Variants in CBFA2T2 observed in about 807,000 individuals in gnomAD.
CBFA2T2 encodes protein CBFA2T2.
A neutral mutation model predicts 62.2 loss-of-function variants in CBFA2T2; 11 were observed. The observed-to-expected ratio is 0.18, with a 90% CI of 0.11 to 0.29. The LOEUF is 0.29. CBFA2T2 is among the 10% of genes least tolerant of loss of function. The pLI is 1.00. For synonymous variants in CBFA2T2, 295 were observed against 287.5 expected, an observed-to-expected ratio of 1.03 and a Z score of -0.27; for missense variants, 592 against 774.1, an observed-to-expected ratio of 0.76 and a Z score of 2.79.
At chr20:33,625,538 A>C (rs1412418100) in intron 6 of CBFA2T2, among the ~76,000 whole-genome samples, 2 of 152,260 alleles carry the variant, frequency 1.3e-5, no homozygotes, top group Non-Finnish European at 1.5e-5. Context: ...GAAGAGAATG[A>C]AAAAGCAAAG....
At chr20:33,505,908 T>TG (rs963858038) in intron 1 of CBFA2T2, among the ~76,000 whole-genome samples, 79 of 151,852 alleles carry the variant, frequency 5.2e-4, no homozygotes, top group African/African-American at 1.8e-3. Flanking sequence ...CTGGCCAGCA[T>TG]GGGGAAACCC....
intron 1 of CBFA2T2, among the ~76,000 whole-genome samples, chr20:33,559,172 CTTT>C (rs376048540): frequency 3.4e-4 from 30 of 87,624 alleles, no homozygotes; most frequent in African/African-American, 6.8e-4. Context: ...TTTTTCCTTT[CTTT>C]TTTTTTTTTT....
intron 1 of CBFA2T2, among the ~76,000 whole-genome samples, chr20:33,598,672 TTAAAG>T (rs760094430): frequency 6.6e-6 from 1 of 152,104 alleles, no homozygotes; most frequent in Non-Finnish European, 1.5e-5. Context: ...GATTAAGAGA[TTAAAG>T]TAAAGACAGG....
At chr20:33,543,328 G>A (rs932773077) in intron 1 of CBFA2T2, among the ~76,000 whole-genome samples, 7 of 152,134 alleles carry the variant, frequency 4.6e-5, no homozygotes, top group African/African-American at 1.7e-4. Context: ...TTATTTTATA[G>A]TGATACACTT....
chr20:33,644,706 A>T lies in CBFA2T2; in HGVS notation c.*60A>T. 1 of 1,516,328 alleles carries T rather than the reference A, an allele frequency of 6.6e-7. No individual in the cohort carries two copies. The highest frequency in any genetic ancestry group is 8.9e-7 in the Non-Finnish European group (1 of 1,124,258). 93.9% of individuals were successfully genotyped at this position (1,516,328 alleles called of 1,614,324 possible). On this transcript the variant is annotated 3_prime_UTR_variant, in exon 11 of 11. Coordinates refer to ENST00000342704, the MANE Select transcript of CBFA2T2 (RefSeq NM_001032999.3). ...CACCACAGAGTGCTTGGGCTGAGGG[A>T]CTGACTGTTGGAACCCGTGCATGTA...
chr20:33,504,385 T>A (rs1422221787), intron 1 of CBFA2T2, among the ~76,000 whole-genome samples: 2 of 151,588 alleles, frequency 1.3e-5, no homozygotes, highest in African/African-American at 4.8e-5. Context: ...CTGGGTTCTA[T>A]GATAATTTCA....
intron 1 of CBFA2T2, among the ~76,000 whole-genome samples, chr20:33,492,295 G>T (rs1004318831): frequency 6.6e-6 from 1 of 151,610 alleles, no homozygotes; most frequent in Non-Finnish European, 1.5e-5. Flanking sequence ...CTGGGATTAC[G>T]AGCGTGAGTC....
intron 1 of CBFA2T2, among the ~76,000 whole-genome samples, chr20:33,588,237 G>C (rs925010274): frequency 6.6e-6 from 1 of 151,938 alleles, no homozygotes; most frequent in African/African-American, 2.4e-5. Context: ...CTATTTTAAA[G>C]TATTGTTAGT....
At chr20:33,584,278 T>C (rs1019434509) in intron 1 of CBFA2T2, among the ~76,000 whole-genome samples, 1 of 150,766 alleles carries the variant, frequency 6.6e-6, no homozygotes, top group African/African-American at 2.4e-5. Context: ...TTCTTTTTTT[T>C]TTTTTGAGAC....
intron 1 of CBFA2T2, among the ~76,000 whole-genome samples, chr20:33,503,574 A>C (rs759811293): frequency 2.0e-5 from 3 of 152,104 alleles, no homozygotes; most frequent in Non-Finnish European, 4.4e-5. Flanking sequence ...ATTTTTAGGA[A>C]AAAAATTATT....
At chr20:33,566,349 TA>T (rs2013309861) in intron 1 of CBFA2T2, among the ~76,000 whole-genome samples, 1 of 152,202 alleles carries the variant, frequency 6.6e-6, no homozygotes, top group Non-Finnish European at 1.5e-5. Context: ...CTCACACCTG[TA>T]ATCCCAGCAC....
intron 8 of CBFA2T2, among the ~76,000 whole-genome samples, chr20:33,636,397 ATCACT>A (rs2016633034): frequency 6.6e-6 from 1 of 152,172 alleles, no homozygotes; most frequent in African/African-American, 2.4e-5. Context: ...GAAAGTGAAG[ATCACT>A]TTTAATCTCA....
intron 1 of CBFA2T2, among the ~76,000 whole-genome samples, chr20:33,531,235 C>T (rs1432461296): frequency 6.6e-6 from 1 of 152,134 alleles, no homozygotes; most frequent in Non-Finnish European, 1.5e-5. Flanking sequence ...GAAGAGTATG[C>T]TTCTTCAGTC....
intron 1 of CBFA2T2, among the ~76,000 whole-genome samples, chr20:33,578,116 G>C (rs1401050618): frequency 6.6e-6 from 1 of 152,134 alleles, no homozygotes; most frequent in Non-Finnish European, 1.5e-5. Context: ...TTTGTGGTCA[G>C]TTGGTCACAA....
chr20:33,553,556 C>T (rs916355088), intron 1 of CBFA2T2, among the ~76,000 whole-genome samples: 11 of 152,176 alleles, frequency 7.2e-5, no homozygotes, highest in Non-Finnish European at 1.3e-4. Context: ...TGTAAAGGGT[C>T]ATATAGTGAC....
rs150003478 is a variant in CBFA2T2 at position 33,498,247 on chromosome 20, C to CT, written c.34+7962dup. ...GTGCCTGGCCCAGTTAATTTTCTTTCTTTTTTTTTTTTTTTTGAGATGGAG... is the reference window on the plus strand; with the variant it reads ...GTGCCTGGCCCAGTTAATTTTCTTTCTTTTTTTTTTTTTTTTTGAGATGGAG... On this transcript the variant is annotated intron_variant, in intron 1 of 10. Coordinates refer to ENST00000342704, the MANE Select transcript of CBFA2T2 (RefSeq NM_001032999.3). 4.6e-3 allele frequency among the ~76,000 whole-genome samples: 621 copies of CT among 134,932 alleles called. 7 individuals carry two copies. The highest frequency in any genetic ancestry group is 0.012 in the African/African-American group (457 of 37,044). 88.5% of individuals were successfully genotyped at this position (134,932 alleles called of 152,430 possible). A position where few individuals can be genotyped will look rare whatever the true frequency, so the allele number is the denominator to read the frequency against.
In CBFA2T2 at chr20:33,597,295, C is replaced by T. The variant is rs964867206; in HGVS notation, c.35-9661C>T. On this transcript the variant is annotated intron_variant, in intron 1 of 10. Transcript: ENST00000342704. Reference sequence around the variant, plus strand: ...CTGCTGTCACCTCAGTAGTAGAAGACTTAGTAGTTACTCGAATAATTTTGA... The same window carrying T: ...CTGCTGTCACCTCAGTAGTAGAAGATTTAGTAGTTACTCGAATAATTTTGA... Among the ~76,000 whole-genome samples, 16 of 152,050 alleles carry T rather than the reference C, an allele frequency of 1.1e-4. 1 individual carries two copies. The highest frequency in any genetic ancestry group is 2.4e-4 in the Non-Finnish European group (16 of 68,008).
At chr20:33,530,833 C>T (rs2012038770) in intron 1 of CBFA2T2, among the ~76,000 whole-genome samples, 1 of 152,114 alleles carries the variant, frequency 6.6e-6, no homozygotes, top group Non-Finnish European at 1.5e-5. Flanking sequence ...GTAATCCCAG[C>T]ACTTTGGGAG....
intron 1 of CBFA2T2, among the ~76,000 whole-genome samples, chr20:33,596,915 C>T (rs1317899166): frequency 6.8e-6 from 1 of 146,182 alleles, no homozygotes; most frequent in Non-Finnish European, 1.5e-5. Context: ...GTTTCTTGAC[C>T]TCTGTTTTTT....
Sources: allele counts gnomAD v4.1 joint callset (sites outside exome capture counted in the v4.1 genomes callset), GRCh38; gene constraint gnomAD v4.1.1; transcripts MANE v1.5; gene names NCBI Gene and HGNC (gene_info 2026-07-23, HGNC 2026-07-21).